The following NRG1 variants were observed in gnomAD, a reference collection of about 807,000 sequenced individuals.
NRG1 encodes the protein neuregulin 1.
NRG1 carries 18 observed loss-of-function variants against 63.8 expected under a neutral mutation model. That is an observed-to-expected ratio of 0.28 (90% CI 0.19 to 0.42). The LOEUF (loss-of-function observed/expected upper bound fraction) is 0.42. Ranked by LOEUF, NRG1 falls within the 10% of genes least tolerant of loss-of-function variation. The probability of loss-of-function intolerance (pLI) is 1.00; values close to 1 mark genes in which losing one functional copy is unlikely to be tolerated. For synonymous variants in NRG1, 302 were observed against 301.3 expected, an observed-to-expected ratio of 1.00 and a Z score of -0.02; for missense variants, 762 against 814.7, an observed-to-expected ratio of 0.94 and a Z score of 0.79.
intron 1 of NRG1, among the ~76,000 whole-genome samples, chr8:32,221,744 C>T (rs1845834627): frequency 6.6e-6 from 1 of 151,898 alleles, no homozygotes; most frequent in East Asian, 1.9e-4. Flanking sequence ...TTGCAGTAGA[C>T]TAAATGTCGA....
intron 1 of NRG1, among the ~76,000 whole-genome samples, chr8:32,291,514 T>C (rs758751505): frequency 2.5e-4 from 38 of 151,558 alleles, no homozygotes; most frequent in Non-Finnish European, 3.8e-4. Context: ...TAAAAAGTCC[T>C]TGTACAAATT....
chr8:32,717,688 GA>G (rs1260134568), intron 5 of NRG1, among the ~76,000 whole-genome samples: 1 of 152,172 alleles, frequency 6.6e-6, no homozygotes, highest in Non-Finnish European at 1.5e-5. Flanking sequence ...CACAAACACA[GA>G]ACTGCAGTGA....
chr8:32,436,799 G>A (rs551117793), intron 1 of NRG1, among the ~76,000 whole-genome samples: 36 of 152,102 alleles, frequency 2.4e-4, no homozygotes, highest in African/African-American at 8.4e-4. Flanking sequence ...GTGCTTCATA[G>A]TATAAAAAAT....
intron 6 of NRG1, among the ~76,000 whole-genome samples, chr8:32,735,038 T>C (rs1201754468): frequency 6.6e-6 from 1 of 152,184 alleles, no homozygotes; most frequent in Non-Finnish European, 1.5e-5. Context: ...AGGATATTAA[T>C]TGAGCTAAGG....
chr8:31,993,054 C>T (rs896100959), intron 1 of NRG1, among the ~76,000 whole-genome samples: 21 of 152,068 alleles, frequency 1.4e-4, no homozygotes, highest in African/African-American at 4.8e-4. Context: ...TTAGTATCCT[C>T]CCTAATGGAG....
chr8:32,461,191 G>GA (rs200297379), intron 1 of NRG1, among the ~76,000 whole-genome samples: 1,778 of 151,296 alleles, frequency 0.012, 24 homozygotes, highest in African/African-American at 0.039. Context: ...TTCTTAAAAA[G>GA]AAAAAAAATC....
intron 4 of NRG1, among the ~76,000 whole-genome samples, chr8:32,616,077 T>G (rs1847305447): frequency 6.6e-6 from 1 of 152,164 alleles, no homozygotes; most frequent in Admixed American, 6.6e-5. Context: ...ACTTTCTGGC[T>G]GTTGACTTTC....
intron 5 of NRG1, among the ~76,000 whole-genome samples, chr8:32,617,732 G>T (rs996933390): frequency 6.6e-5 from 10 of 151,970 alleles, no homozygotes; most frequent in African/African-American, 2.4e-4. Flanking sequence ...ATTCTATTTC[G>T]ATCTGGGGAG....
At chr8:32,503,332 T>C (rs940059779) in intron 1 of NRG1, among the ~76,000 whole-genome samples, 6 of 116,594 alleles carry the variant, frequency 5.1e-5, no homozygotes, top group Admixed American at 3.5e-4. Flanking sequence ...TAAACTTAAA[T>C]AGATAAACTT....
At chr8:32,333,892 T>C (rs1434348880) in intron 1 of NRG1, among the ~76,000 whole-genome samples, 1 of 152,246 alleles carries the variant, frequency 6.6e-6, no homozygotes, top group Admixed American at 6.5e-5. Flanking sequence ...CAGACCACTA[T>C]GCCTTGGTGT....
intron 1 of NRG1, among the ~76,000 whole-genome samples, chr8:31,984,190 AT>A (rs1809643387): frequency 6.6e-6 from 1 of 152,144 alleles, no homozygotes; most frequent in African/African-American, 2.4e-5. Flanking sequence ...ATGTGGTAAA[AT>A]ATAGAATAGG....
At chr8:31,988,987 G>C (rs1258994833) in intron 1 of NRG1, among the ~76,000 whole-genome samples, 3 of 151,936 alleles carry the variant, frequency 2.0e-5, no homozygotes, top group Non-Finnish European at 4.4e-5. Flanking sequence ...AGTGGCTCAT[G>C]CCTGTAATCC....
intron 1 of NRG1, among the ~76,000 whole-genome samples, chr8:31,687,879 A>T (rs1809069525): frequency 6.6e-6 from 1 of 152,186 alleles, no homozygotes; most frequent in Non-Finnish European, 1.5e-5. Flanking sequence ...CCAGAGCATG[A>T]CCTTAGGTCA....
At chr8:31,700,030 A>G (rs1198344377) in intron 1 of NRG1, among the ~76,000 whole-genome samples, 1 of 152,222 alleles carries the variant, frequency 6.6e-6, no homozygotes, top group Non-Finnish European at 1.5e-5. Context: ...CATAGTCGAT[A>G]TAGGTGGTTC....
chr8:32,621,023 A>T (rs1215125712), intron 5 of NRG1, among the ~76,000 whole-genome samples: 1 of 151,902 alleles, frequency 6.6e-6, no homozygotes, highest in African/African-American at 2.4e-5. Context: ...TTTTTAAGGG[A>T]TTTTTTCATT....
At chr8:32,333,378 C>A (rs542819949) in intron 1 of NRG1, among the ~76,000 whole-genome samples, 2 of 152,050 alleles carry the variant, frequency 1.3e-5, no homozygotes, top group Non-Finnish European at 2.9e-5. Flanking sequence ...TTCAGGTATT[C>A]TCCTATGGTA....
chr8:32,054,855 CTTTCTTTCTTTTTTTTTTTTTT>C (rs1822595753), intron 1 of NRG1, among the ~76,000 whole-genome samples: 7 of 56,306 alleles, frequency 1.2e-4, no homozygotes, highest in African/African-American at 4.5e-4. Context: ...AAGCAGATTT[CTTTCTTTCTTTTTTTTTTTTTT>C]TTTTTTTTTT....
chr8:32,728,266 G>GT (rs1822760434), intron 6 of NRG1, 188 bp downstream of exon 6: 1 of 985,164 alleles, frequency 1.0e-6, no homozygotes, highest in Non-Finnish European at 1.2e-6. Flanking sequence ...ATGCAGAATT[G>GT]TTTTTTGCTC....
At chr8:31,890,541 GA>G (rs1221582344) in intron 1 of NRG1, among the ~76,000 whole-genome samples, 3 of 152,114 alleles carry the variant, frequency 2.0e-5, no homozygotes, top group Non-Finnish European at 4.4e-5. Flanking sequence ...CACAATAAAT[GA>G]GACAAAATAA....
Sources: allele counts gnomAD v4.1 joint callset (sites outside exome capture counted in the v4.1 genomes callset), GRCh38; gene constraint gnomAD v4.1.1; transcripts MANE v1.5; gene names NCBI Gene and HGNC (gene_info 2026-07-23, HGNC 2026-07-21).